The following PCNX2 variants were observed in gnomAD, a reference collection of about 807,000 sequenced individuals.
The protein encoded by PCNX2 is pecanex 2, also known as pecanex-like protein 2.
PCNX2 carries 168 observed loss-of-function variants against 223.8 expected under a neutral mutation model. The observed-to-expected ratio is 0.75, with a 90% confidence interval of 0.66 to 0.85. The LOEUF (loss-of-function observed/expected upper bound fraction) is 0.85. Ranked by LOEUF, PCNX2 falls within the 40% of genes least tolerant of loss-of-function variation. The pLI, the probability that PCNX2 is intolerant of heterozygous loss-of-function variation, is 0.00. For missense variants in PCNX2, 2,507 were observed against 2,675.5 expected (o/e 0.94, Z 1.39); for synonymous variants, 1,006 against 1,052.6 (o/e 0.96, Z 0.86).
At chr1:233,252,254 G>A in intron 7 of PCNX2, 100 bp downstream of exon 7, 2 of 1,339,968 alleles carry the variant, frequency 1.5e-6, no homozygotes, top group African/African-American at 1.5e-5. Context: ...AAGTCTTCCA[G>A]TTCTCAAGTC....
chr1:233,190,079 A>G (rs922469926), intron 15 of PCNX2, among the ~76,000 whole-genome samples: 7 of 152,232 alleles, frequency 4.6e-5, no homozygotes, highest in African/African-American at 1.7e-4. Context: ...ACCAAGTGAT[A>G]ATAATAAAAA....
chr1:233,259,195 G>T lies in PCNX2; in HGVS notation c.667C>A (p.Leu223Ile). 6.2e-7 allele frequency: 1 copy of T among 1,613,884 alleles called. No individual in the cohort carries two copies. Among genetic ancestry groups the T allele is most frequent in the Non-Finnish European group, 8.5e-7 (1 of 1,179,848 alleles). ...CTTTCCTTTCCTTTACCATTGATGA[G>T]AGTTTCTGTGGCAACTGGTTTTACA... Reference protein sequence around the residue: ...IPVKPVATETLINGKGKERGG... With the variant: ...IPVKPVATETIINGKGKERGG... Residue 223 changes from leucine to isoleucine, a missense_variant, in exon 5 of 34, where the codon CTC (leucine) becomes ATC (isoleucine). Around this residue, in one of 3 missense-constraint regions of PCNX2, gnomAD observed 1,031 missense variants for 1,021.7 expected, o/e 1.01. Coordinates refer to ENST00000258229, the MANE Select transcript of PCNX2 (RefSeq NM_014801.4).
chr1:233,182,112 C>T (rs1298226899), intron 15 of PCNX2, among the ~76,000 whole-genome samples: 3 of 152,160 alleles, frequency 2.0e-5, no homozygotes, highest in Non-Finnish European at 2.9e-5. Context: ...CATCTCTGAC[C>T]ATTGGGTTCC....
At chr1:233,170,294 A>G (rs1017003409) in intron 17 of PCNX2, among the ~76,000 whole-genome samples, 1 of 152,188 alleles carries the variant, frequency 6.6e-6, no homozygotes, top group Admixed American at 6.5e-5. Flanking sequence ...CTTGCTCTAC[A>G]CTTGTCAACA....
At chr1:233,294,836 TGTGA>T (rs35639940) in intron 1 of PCNX2, among the ~76,000 whole-genome samples, 38,840 of 151,888 alleles carry the variant, frequency 0.26, 5,109 homozygotes, top group South Asian at 0.41. Flanking sequence ...GAAATTACAA[TGTGA>T]GTAACTGATA....
chr1:233,316,454 C>T, the PCNX2 span, among the ~76,000 whole-genome samples: 2 of 152,228 alleles, frequency 1.3e-5, no homozygotes, highest in East Asian at 3.9e-4. Flanking sequence ...GCTCAAGACC[C>T]CACATCTTTA....
intron 4 of PCNX2, 118 bp from the exon 5 acceptor site, chr1:233,259,462 C>T: frequency 7.3e-7 from 1 of 1,364,422 alleles, no homozygotes; most frequent in Non-Finnish European, 9.7e-7. Flanking sequence ...GAATTAGATA[C>T]TTTTTTAATT....
rs371536515 is a variant in PCNX2, at chr1:233,258,619, G to C, written c.1243C>G (p.Pro415Ala). ...SVKSDAEPTN[P>A]GAAGSPNAEQ... is the part of the protein sequence containing the mutation. ...GCATTTGGAGAACCGGCCGCCCCTG[G>C]GTTAGTGGGCTCAGCGTCAGACTTT... The change falls in exon 5 of 34, where the codon CCA becomes GCA. Residue 415 changes from proline (P) to alanine (A), a missense_variant. Around this residue, in one of 3 missense-constraint regions of PCNX2, gnomAD observed 1,031 missense variants for 1,021.7 expected, o/e 1.01. Transcript: ENST00000258229. The C allele has an allele frequency of 6.2e-7, 1 of 1,613,818 alleles. No homozygotes were observed. The highest frequency in any genetic ancestry group is 1.3e-5 in the African/African-American group (1 of 74,908).
At chr1:233,175,557 G>A (rs558407549) in intron 17 of PCNX2, among the ~76,000 whole-genome samples, 62 of 152,282 alleles carry the variant, frequency 4.1e-4, no homozygotes, top group African/African-American at 1.5e-3. Flanking sequence ...TATCCATGGG[G>A]AGACTTTTGG....
chr1:233,126,502 G>GGT lies in PCNX2; in HGVS notation c.3837+8509_3837+8510dup, dbSNP rs1186409500. ...ACCTATTGATATTTTAAATTTGTGT[G>GGT]GTGTGTGTGTGTGTTTGTGTGTGTG... On this transcript the variant is annotated intron_variant, in intron 21 of 33. Transcript: ENST00000258229. The surrounding 1 kb of genome is among the most constrained non-coding windows in gnomAD (Gnocchi z 4.8). Among the ~76,000 whole-genome samples the GGT allele has an allele frequency of 4.8e-5, 7 of 145,594 alleles. No individual in the cohort carries two copies. The South Asian group carries it at 8.8e-4, about 18-fold the overall frequency.
intron 1 of PCNX2, among the ~76,000 whole-genome samples, chr1:233,288,138 A>G (rs1202823883): frequency 6.6e-6 from 1 of 152,220 alleles, no homozygotes; most frequent in Non-Finnish European, 1.5e-5. Context: ...AAGATATTTA[A>G]TGTTTAAAAT....
intron 32 of PCNX2, among the ~76,000 whole-genome samples, chr1:232,987,229 G>A (rs1402565053): frequency 6.6e-6 from 1 of 152,234 alleles, no homozygotes; most frequent in Non-Finnish European, 1.5e-5. Flanking sequence ...AACTTGTCTA[G>A]ACAAGGCCAT....
chr1:233,279,923 G>A (rs1458168400), intron 1 of PCNX2, among the ~76,000 whole-genome samples: 1 of 152,108 alleles, frequency 6.6e-6, no homozygotes, highest in Non-Finnish European at 1.5e-5. Context: ...GCCTTCACCT[G>A]TTCTTTACCT....
intron 15 of PCNX2, among the ~76,000 whole-genome samples, chr1:233,193,060 TATA>T (rs1349572097): frequency 5.2e-4 from 74 of 143,454 alleles, no homozygotes; most frequent in Admixed American, 4.9e-3. Flanking sequence ...TATATATTAT[TATA>T]ATTTATCAAA....
intron 9 of PCNX2, among the ~76,000 whole-genome samples, chr1:233,230,236 G>C (rs755674855): frequency 6.6e-6 from 1 of 152,154 alleles, no homozygotes; most frequent in African/African-American, 2.4e-5. Flanking sequence ...TGAGTCACGA[G>C]AGAGTGTAGG....
At chr1:233,080,948 C>A (rs1310624472) in intron 23 of PCNX2, among the ~76,000 whole-genome samples, 1 of 152,190 alleles carries the variant, frequency 6.6e-6, no homozygotes, top group East Asian at 1.9e-4. Context: ...AAAATAAGAG[C>A]ATTTGAAAAT....
At chr1:233,128,020 C>T (rs1218258304) in intron 21 of PCNX2, among the ~76,000 whole-genome samples, 2 of 152,120 alleles carry the variant, frequency 1.3e-5, no homozygotes, top group Non-Finnish European at 1.5e-5. Flanking sequence ...ATAAGGAAAA[C>T]GCCATTTAGA....
At chr1:233,322,974 A>G in the PCNX2 span, among the ~76,000 whole-genome samples, 78 of 152,320 alleles carry the variant, frequency 5.1e-4, no homozygotes, top group African/African-American at 1.6e-3. Flanking sequence ...TCTCTAAAAC[A>G]ATATTCCAGG....
intron 23 of PCNX2, among the ~76,000 whole-genome samples, chr1:233,089,564 G>A (rs1356824349): frequency 6.6e-6 from 1 of 152,180 alleles, no homozygotes; most frequent in South Asian, 2.1e-4. Flanking sequence ...AAAAGGTGAA[G>A]AAATCATCTT....
Sources: gnomAD v4.1 joint callset for allele counts (sites outside exome capture counted in the v4.1 genomes callset) on GRCh38, gnomAD v4.1.1 for gene constraint, gnomAD v4.1.1 regional missense constraint, Gnocchi (gnomAD v3.1) non-coding constraint, MANE v1.5 for transcripts, NCBI Gene and HGNC (gene_info 2026-07-23, HGNC 2026-07-21) for gene names.